CCT6A: variants seen among roughly 807,000 people sequenced by gnomAD.
The protein encoded by CCT6A is chaperonin containing TCP1 subunit 6A, also known as T-complex protein 1 subunit zeta.
CCT6A carries 6 observed loss-of-function variants against 58.6 expected under a neutral mutation model. The observed-to-expected ratio is 0.10, with a 90% CI of 0.06 to 0.20. The LOEUF is 0.20. CCT6A is among the 10% of genes least tolerant of loss of function. CCT6A has a pLI of 1.00. For synonymous variants in CCT6A, 245 were observed against 227.8 expected (o/e 1.08, Z -0.68); for missense variants, 516 against 648.8 (o/e 0.80, Z 2.22).
rs541408388 is a variant in CCT6A, at chr7:56,055,626, C to T, written c.339C>T (p.Gly113=). 35 of 1,612,496 alleles carry T rather than the reference C, an allele frequency of 2.2e-5. No individual in the cohort carries two copies. The South Asian group carries it at 3.2e-4, about 15-fold the overall frequency. ...LKQADLYISE[G]LHPRIITEGF... is the part of the protein sequence containing the mutation. ...GTGTTAATGTGTGTTTATTTTAGGGCCTTCATCCTAGAATAATCACTGAAG... is the reference window on the plus strand; with the variant it reads ...GTGTTAATGTGTGTTTATTTTAGGGTCTTCATCCTAGAATAATCACTGAAG... The change falls in exon 4 of 14, where the codon GGC becomes GGT. Residue 113 remains glycine, a splice_region_variant and synonymous_variant. Coordinates refer to ENST00000275603, the MANE Select transcript of CCT6A (RefSeq NM_001762.4).
Position 56,060,405 on chromosome 7 carries a change from C to T in CCT6A, c.1202C>T (p.Ala401Val). 4.3e-6 allele frequency: 7 copies of T among 1,614,024 alleles called. No homozygotes were observed. Among genetic ancestry groups the T allele is most frequent in the Non-Finnish European group, 5.9e-6 (7 of 1,179,906 alleles). The change falls in exon 10 of 14, where the codon GCT becomes GTT. Residue 401 changes from alanine to valine, a missense_variant. Transcript: ENST00000275603. ...VRDGLRAVKN[A>V]IDDGCVVPGA... ...GACGGCTTGAGGGCTGTCAAAAATG[C>T]TATTGATGATGGTAAGATCCTCACT... is the stretch of plus-strand genomic sequence containing the variant.
chr7:56,063,198 G>GA lies in CCT6A; in HGVS notation c.*119dup. ...AATTTTGAAAGAAATTTTCCCATAT[G>GA]AAAAAAGGAGAGAACACTGGCATCT... is the stretch of plus-strand genomic sequence containing the variant. On this transcript the variant is annotated 3_prime_UTR_variant, in exon 14 of 14. Coordinates refer to ENST00000275603, the MANE Select transcript of CCT6A (RefSeq NM_001762.4). The GA allele has an allele frequency of 1.3e-6, 1 of 758,460 alleles. No homozygotes were observed. Among genetic ancestry groups the GA allele is most frequent in the East Asian group, 2.5e-5 (1 of 40,230 alleles). 47.0% of individuals were successfully genotyped at this position (758,460 alleles called of 1,614,324 possible).
chr7:56,056,273 A>G (rs1384717840), intron 4 of CCT6A, 38 bp from the exon 5 acceptor site: 5 of 1,053,232 alleles, frequency 4.7e-6, no homozygotes, highest in African/African-American at 1.6e-5. Flanking sequence ...TCTGCTGCAA[A>G]TTGAATTTAC....
chr7:56,052,377 T>C (rs374041027), intron 1 of CCT6A, 45 bp from the exon 2 acceptor site: 63 of 1,556,174 alleles, frequency 4.0e-5, no homozygotes, highest in Non-Finnish European at 5.3e-5. Flanking sequence ...CTTTTAGTTA[T>C]CGTTGAAAAA....
At chr7:56,062,837 C>T (rs2117354194) in intron 13 of CCT6A, 82 bp downstream of exon 13, 1 of 1,266,488 alleles carries the variant, frequency 7.9e-7, no homozygotes. Context: ...TGCTCCTTTC[C>T]CCCATGAATA....
At position 56,058,432 on chromosome 7, in the gene CCT6A, T is replaced by C. The variant is rs1353128932; in HGVS notation, c.796T>C (p.Phe266Leu). The change falls in exon 7 of 14, where the codon TTC becomes CTC. Residue 266 changes from phenylalanine (F) to leucine (L), a missense_variant. Physicochemically the swap from Phe to Leu is conservative, Grantham distance 22. Coordinates refer to ENST00000275603, the MANE Select transcript of CCT6A (RefSeq NM_001762.4). ...AAAACTCGTGAAAGCTGAAAGAAAA[T>C]TCATTGAAGATAGGGTTAAAAAAAT... ...REKLVKAERK[F>L]IEDRVKKIIE... 1 of 1,604,712 alleles carries C rather than the reference T, an allele frequency of 6.2e-7. No homozygotes were observed. The highest frequency in any genetic ancestry group is 8.5e-7 in the Non-Finnish European group (1 of 1,176,500).
rs1007890909 is a variant in CCT6A at position 56,055,460 on chromosome 7, G to A, written c.337-164G>A. The A allele has an allele frequency of 4.3e-6, 3 of 704,010 alleles. No individual in the cohort carries two copies. In the Admixed American group the frequency reaches 6.6e-5, roughly 16 times the overall value. The allele number at this position is 704,010 out of a possible 1,614,324, so 43.6% of individuals were successfully genotyped here. On this transcript the variant is annotated intron_variant, in intron 3 of 13. Transcript: ENST00000275603. ...CTGTTCATCTGCTCTGCATTGAAAGGAATATTTGTCCTTTTAAATGTATTC... is the reference window on the plus strand; with the variant it reads ...CTGTTCATCTGCTCTGCATTGAAAGAAATATTTGTCCTTTTAAATGTATTC...
intron 11 of CCT6A, 30 bp from the exon 12 acceptor site, chr7:56,061,717 T>G: frequency 9.6e-7 from 1 of 1,044,588 alleles, no homozygotes. Context: ...TAGTTCCTGT[T>G]TTCTCAAGAA....
chr7:56,057,942 T>G, intron 5 of CCT6A, 51 bp from the exon 6 acceptor site: 2 of 961,386 alleles, frequency 2.1e-6, no homozygotes, highest in Non-Finnish European at 3.4e-6. Flanking sequence ...TTTAATATAT[T>G]AAATACCCAT....
chr7:56,057,865 A>C, intron 5 of CCT6A, 128 bp from the exon 6 acceptor site: 1 of 633,682 alleles, frequency 1.6e-6, no homozygotes, highest in Non-Finnish European at 2.9e-6. Flanking sequence ...TGGGCAACAG[A>C]GCGAGACTTC....
At chr7:56,059,805 C>T (rs1794394659) in intron 9 of CCT6A, 165 bp downstream of exon 9, 1 of 553,974 alleles carries the variant, frequency 1.8e-6, no homozygotes, top group East Asian at 3.0e-5. Context: ...CCTCCCGCCT[C>T]AGGCTTCTGA....
intron 2 of CCT6A, among the ~76,000 whole-genome samples, chr7:56,054,052 C>T (rs893492788): frequency 6.6e-6 from 1 of 152,216 alleles, no homozygotes; most frequent in African/African-American, 2.4e-5. Context: ...GAGCTCTACA[C>T]TTGCCATAAA....
At chr7:56,056,177 T>A in intron 4 of CCT6A, 134 bp from the exon 5 acceptor site, 1 of 667,452 alleles carries the variant, frequency 1.5e-6, no homozygotes, top group Admixed American at 2.8e-5. Context: ...TATAATGTAT[T>A]CTATTTGCTG....
chr7:56,058,073 C>T lies in CCT6A; in HGVS notation c.695C>T (p.Thr232Ile). 6.2e-7 allele frequency: 1 copy of T among 1,601,176 alleles called. No individual in the cohort carries two copies. The highest frequency in any genetic ancestry group is 8.6e-7 in the Non-Finnish European group (1 of 1,168,308). The stretch of plus-strand genomic sequence containing the variant: ...AGGGTGGAGGATGCATACATCCTCA[C>T]TTGTAACGTGTCATTAGAGTATGAG... ...KKRVEDAYIL[T>I]CNVSLEYEKT... is the part of the protein sequence containing the mutation. Residue 232 changes from threonine to isoleucine, a missense_variant, in exon 6 of 14, where the codon ACT becomes ATT. Physicochemically the swap from Thr to Ile is moderately conservative, Grantham distance 89. Coordinates refer to ENST00000275603, the MANE Select transcript of CCT6A (RefSeq NM_001762.4).
Position 56,062,673 on chromosome 7 carries a change from T to C in CCT6A, c.1451-10T>C. On this transcript the variant is annotated splice_polypyrimidine_tract_variant and intron_variant, in intron 12 of 13. Coordinates refer to ENST00000275603, the MANE Select transcript of CCT6A (RefSeq NM_001762.4). ...GACTGAACTTATTTTAAGATTTGGT[T>C]GCCTTTTAGGTGAGCCAATGGTGGC... is the stretch of plus-strand genomic sequence containing the variant. 1 of 1,612,494 alleles carries C rather than the reference T, an allele frequency of 6.2e-7. No homozygotes were observed.
intron 2 of CCT6A, 123 bp from the exon 3 acceptor site, chr7:56,054,246 G>A (rs1020251525): frequency 4.2e-6 from 3 of 708,926 alleles, no homozygotes; most frequent in Admixed American, 4.8e-5. Context: ...GTAATTTGTA[G>A]CCAACATTTG....
chr7:56,057,936 ATATAT>A (rs1304040434), intron 5 of CCT6A, 52 bp from the exon 6 acceptor site: 15 of 903,778 alleles, frequency 1.7e-5, no homozygotes, highest in Non-Finnish European at 2.0e-5. Context: ...TCAGTGTTTA[ATATAT>A]TAAATACCCA....
In CCT6A at chr7:56,052,593, G is replaced by A; in HGVS notation, c.201+108G>A. 12 of 956,954 alleles carry A rather than the reference G, an allele frequency of 1.3e-5. No homozygotes were observed. The South Asian group carries it at 1.3e-4, about 11-fold the overall frequency. 59.3% of individuals were successfully genotyped at this position (956,954 alleles called of 1,614,324 possible). A position where few individuals can be genotyped will look rare whatever the true frequency, so the allele number is the denominator to read the frequency against. ...TTTCAAGGTAGGAGAACATTCAGAAGTGGCGTGTAATCAGTAATAGTCCTG... is the reference window on the plus strand; with the variant it reads ...TTTCAAGGTAGGAGAACATTCAGAAATGGCGTGTAATCAGTAATAGTCCTG... On this transcript the variant is annotated intron_variant, in intron 2 of 13. Coordinates refer to ENST00000275603, the MANE Select transcript of CCT6A (RefSeq NM_001762.4).
At position 56,063,558 on chromosome 7, in the gene CCT6A, A is replaced by T. The variant is rs1221142505; in HGVS notation, c.*473A>T. On this transcript the variant is annotated 3_prime_UTR_variant, in exon 14 of 14. Coordinates refer to ENST00000275603, the MANE Select transcript of CCT6A (RefSeq NM_001762.4). The stretch of plus-strand genomic sequence containing the variant: ...TTGGTATAAATTTCTGAGTAAATGC[A>T]TTGGATCAGTTGGACTTTGAACGCC... 2 of 172,854 alleles carry T rather than the reference A, an allele frequency of 1.2e-5. No homozygotes were observed. The highest frequency in any genetic ancestry group is 1.1e-4 in the Admixed American group (2 of 17,628). The allele number at this position is 172,854 out of a possible 1,614,324, so 10.7% of individuals were successfully genotyped here.
Sources: allele counts gnomAD v4.1 joint callset (sites outside exome capture counted in the v4.1 genomes callset), GRCh38; gene constraint gnomAD v4.1.1; transcripts MANE v1.5; gene names NCBI Gene and HGNC (gene_info 2026-07-23, HGNC 2026-07-21).